The following GPC6 variants were observed in gnomAD, a reference collection of about 807,000 sequenced individuals.
The protein encoded by GPC6 is glypican 6.
GPC6 carries 14 observed loss-of-function variants against 55.2 expected under a neutral mutation model. The ratio of observed to expected loss-of-function variants is 0.25; its 90% CI spans 0.17 to 0.40. The LOEUF (loss-of-function observed/expected upper bound fraction) is 0.40. GPC6 is among the 10% of genes least tolerant of loss of function. GPC6 has a pLI of 1.00. For missense variants in GPC6, 641 were observed against 708.5 expected (o/e 0.90, Z 1.08); for synonymous variants, 278 against 259.6 (o/e 1.07, Z -0.68).
chr13:94,220,045 T>G (rs992501007), intron 4 of GPC6, among the ~76,000 whole-genome samples: 1 of 152,124 alleles, frequency 6.6e-6, no homozygotes, highest in African/African-American at 2.4e-5. Context: ...AACTCAACAT[T>G]TTGTTATCAA....
chr13:94,153,475 C>T (rs1887817122), intron 4 of GPC6, among the ~76,000 whole-genome samples: 1 of 152,090 alleles, frequency 6.6e-6, no homozygotes, highest in South Asian at 2.1e-4. Context: ...CATAAAATGA[C>T]TTATTTGATC....
At chr13:93,650,868 C>CT (rs1880380406) in intron 2 of GPC6, among the ~76,000 whole-genome samples, 7 of 107,252 alleles carry the variant, frequency 6.5e-5, no homozygotes, top group Non-Finnish European at 1.6e-4. Context: ...CTCAAAATCA[C>CT]ATTTTTTTTT....
chr13:94,266,384 G>A lies in GPC6; in HGVS notation c.878-19965G>A, dbSNP rs575316754. Among the ~76,000 whole-genome samples, 10 of 152,204 alleles carry A rather than the reference G, an allele frequency of 6.6e-5. No individual in the cohort carries two copies. The East Asian group carries it at 7.8e-4, about 12-fold the overall frequency. ...GGGGTTTCACTGTGTTAGCCAGGAT[G>A]GTCTCGATCTCCTGACCTCGTGATC... is the stretch of plus-strand genomic sequence containing the variant. On this transcript the variant is annotated intron_variant, in intron 4 of 8. Coordinates refer to ENST00000377047, the MANE Select transcript of GPC6 (RefSeq NM_005708.5).
At chr13:93,266,822 A>G (rs1877340567) in intron 1 of GPC6, among the ~76,000 whole-genome samples, 2 of 152,320 alleles carry the variant, frequency 1.3e-5, no homozygotes, top group African/African-American at 4.8e-5. Flanking sequence ...ATAGAGAATT[A>G]CATATAGCCT....
At chr13:93,430,014 T>C (rs1877297774) in intron 1 of GPC6, among the ~76,000 whole-genome samples, 1 of 152,140 alleles carries the variant, frequency 6.6e-6, no homozygotes, top group African/African-American at 2.4e-5. Context: ...CCAATAAGCA[T>C]TCTTTATTCC....
chr13:93,321,269 C>T (rs929866645), intron 1 of GPC6, among the ~76,000 whole-genome samples: 3 of 152,118 alleles, frequency 2.0e-5, no homozygotes, highest in African/African-American at 7.2e-5. Context: ...TTATTACTAG[C>T]CATTCACATT....
chr13:93,351,378 A>C (rs926016950), intron 1 of GPC6, among the ~76,000 whole-genome samples: 12 of 152,096 alleles, frequency 7.9e-5, no homozygotes, highest in Non-Finnish European at 1.6e-4. Flanking sequence ...GGATGATAAC[A>C]ATTATAAGGT....
At chr13:94,023,614 G>T (rs1882786031) in intron 3 of GPC6, among the ~76,000 whole-genome samples, 1 of 152,000 alleles carries the variant, frequency 6.6e-6, no homozygotes, top group Non-Finnish European at 1.5e-5. Context: ...TCCAGCAATT[G>T]CACCCTTGGG....
chr13:93,613,577 A>C (rs1451227808), intron 2 of GPC6, among the ~76,000 whole-genome samples: 1 of 151,376 alleles, frequency 6.6e-6, no homozygotes, highest in African/African-American at 2.4e-5. Flanking sequence ...AGAAGTGTGG[A>C]GGTTCCATTG....
At chr13:93,312,217 G>C (rs1879095886) in intron 1 of GPC6, among the ~76,000 whole-genome samples, 1 of 152,008 alleles carries the variant, frequency 6.6e-6, no homozygotes, top group African/African-American at 2.4e-5. Flanking sequence ...TGTTGAAATT[G>C]ATTTGTGTTA....
At chr13:94,276,122 C>G (rs1487665261) in intron 4 of GPC6, among the ~76,000 whole-genome samples, 2 of 152,184 alleles carry the variant, frequency 1.3e-5, no homozygotes, top group Non-Finnish European at 2.9e-5. Flanking sequence ...GAATTATGTA[C>G]AAGGGTATTC....
intron 4 of GPC6, among the ~76,000 whole-genome samples, chr13:94,028,530 T>C (rs930931512): frequency 2.0e-5 from 3 of 151,768 alleles, no homozygotes; most frequent in Non-Finnish European, 4.4e-5. Flanking sequence ...AAGTCCACTG[T>C]ACTATTTCTT....
At chr13:93,809,927 T>C (rs549242112) in intron 2 of GPC6, among the ~76,000 whole-genome samples, 2 of 152,294 alleles carry the variant, frequency 1.3e-5, no homozygotes, top group East Asian at 3.9e-4. Flanking sequence ...TAATTTACAT[T>C]CCTTGCTCTT....
chr13:93,878,372 C>A (rs753333977), intron 3 of GPC6, among the ~76,000 whole-genome samples: 10 of 151,938 alleles, frequency 6.6e-5, no homozygotes, highest in Non-Finnish European at 1.3e-4. Flanking sequence ...AGTGTTCATT[C>A]CCTCTTACCT....
intron 3 of GPC6, among the ~76,000 whole-genome samples, chr13:93,972,985 C>T (rs1368858854): frequency 6.6e-6 from 1 of 151,942 alleles, no homozygotes; most frequent in African/African-American, 2.4e-5. Flanking sequence ...CTCTCTCTCT[C>T]TCTCCCTCTC....
intron 3 of GPC6, among the ~76,000 whole-genome samples, chr13:93,889,971 C>CA (rs1000526576): frequency 1.3e-4 from 19 of 150,450 alleles, no homozygotes; most frequent in Middle Eastern, 3.4e-3. Context: ...ATCATTAAAT[C>CA]AAAAAAAAAT....
rs190698692 is a variant in GPC6 at position 94,256,958 on chromosome 13, A to G, written c.878-29391A>G. Among the ~76,000 whole-genome samples the G allele has an allele frequency of 2.6e-5, 4 of 152,344 alleles. No homozygotes were observed. In the East Asian group the frequency reaches 7.7e-4, roughly 29 times the overall value. On this transcript the variant is annotated intron_variant, in intron 4 of 8. Transcript: ENST00000377047. Reference sequence around the variant, plus strand: ...TGCCTTTCATCTGTTTCTCTTTCATAGATTCTGTTGAGTCTGCAAGTTAAA... The same window carrying G: ...TGCCTTTCATCTGTTTCTCTTTCATGGATTCTGTTGAGTCTGCAAGTTAAA...
At chr13:93,584,432 C>A (rs1456525043) in intron 2 of GPC6, among the ~76,000 whole-genome samples, 1 of 151,980 alleles carries the variant, frequency 6.6e-6, no homozygotes, top group Non-Finnish European at 1.5e-5. Flanking sequence ...CAGTCTCATT[C>A]TCTCATGAAT....
intron 4 of GPC6, among the ~76,000 whole-genome samples, chr13:94,045,269 A>G (rs1459084891): frequency 6.6e-6 from 1 of 151,960 alleles, no homozygotes; most frequent in African/African-American, 2.4e-5. Context: ...ATAGACCATA[A>G]AAAGCAAGTA....
Sources: gnomAD v4.1 joint callset for allele counts (sites outside exome capture counted in the v4.1 genomes callset) on GRCh38, gnomAD v4.1.1 for gene constraint, MANE v1.5 for transcripts, NCBI Gene and HGNC (gene_info 2026-07-23, HGNC 2026-07-21) for gene names.